COQ9: variants seen among roughly 807,000 people sequenced by gnomAD.
COQ9 encodes the protein ubiquinone biosynthesis protein COQ9, mitochondrial.
In COQ9, 35 loss-of-function variants were observed where a neutral mutation model predicts 42.4. The observed-to-expected ratio is 0.83, with a 90% CI of 0.63 to 1.10. The LOEUF (loss-of-function observed/expected upper bound fraction) is 1.10, where lower values mean the gene tolerates loss of function less well. Ranked by LOEUF, COQ9 falls within the 50% of genes least tolerant of loss-of-function variation. The probability of loss-of-function intolerance (pLI) is 0.00; values close to 1 mark genes in which losing one functional copy is unlikely to be tolerated. For synonymous variants in COQ9, 155 were observed against 155.1 expected, an observed-to-expected ratio of 1.00 and a Z score of 0.00; for missense variants, 406 against 414.6, an observed-to-expected ratio of 0.98 and a Z score of 0.18.
In COQ9 at chr16:57,447,560, C is replaced by T; in HGVS notation, c.55C>T (p.Gln19Ter). ...ALGRAGWRLL[Q>*]LRCLPVARCR... ...TGGCCGGGCGGGCTGGAGGCTCCTG[C>T]AGCTGCGATGCCTGCCCGGTGAGGG... The change falls in exon 1 of 9, where the codon CAG (glutamine) becomes TAG (stop). Residue 19 changes from glutamine to a stop codon, truncating the protein, a stop_gained. Transcript: ENST00000262507. LOFTEE classifies it high-confidence loss of function. 2 of 1,291,356 alleles carry T rather than the reference C, an allele frequency of 1.5e-6. No individual in the cohort carries two copies. The highest frequency in any genetic ancestry group is 2.0e-6 in the Non-Finnish European group (2 of 1,014,556). 80.0% of individuals were successfully genotyped at this position (1,291,356 alleles called of 1,614,324 possible). A position where few individuals can be genotyped will look rare whatever the true frequency, so the allele number is the denominator to read the frequency against.
chr16:57,457,491 T>A lies in COQ9; in HGVS notation c.606+476T>A, dbSNP rs574535644. 144 of 311,014 alleles carry A rather than the reference T, an allele frequency of 4.6e-4. 3 individuals carry two copies. Among genetic ancestry groups the A allele is most frequent in the Middle Eastern group, 3.4e-3 (3 of 884 alleles). The allele number at this position is 311,014 out of a possible 1,614,324, so 19.3% of individuals were successfully genotyped here. The stretch of plus-strand genomic sequence containing the variant: ...ACCTTTTCTGAAGCTTCCTTTTTCC[T>A]CTGTTTTAAAGCATATCACAGTATG... On this transcript the variant is annotated intron_variant, in intron 5 of 8. Coordinates refer to ENST00000262507, the MANE Select transcript of COQ9 (RefSeq NM_020312.4).
chr16:57,460,947 TG>T lies in COQ9; in HGVS notation c.*326del. 1 of 389,470 alleles carries T rather than the reference TG, an allele frequency of 2.6e-6. No homozygotes were observed. 24.1% of individuals were successfully genotyped at this position (389,470 alleles called of 1,614,324 possible). ...CCAGCATGTCCCTGTCACAATCTCATGGGCACCTTGATCATGTCTTAACCTT... is the reference window on the plus strand; with the variant it reads ...CCAGCATGTCCCTGTCACAATCTCATGGCACCTTGATCATGTCTTAACCTT... On this transcript the variant is annotated 3_prime_UTR_variant, in exon 9 of 9. Transcript: ENST00000262507.
intron 4 of COQ9, 30 bp from the exon 5 acceptor site, chr16:57,456,901 A>T: frequency 6.3e-7 from 1 of 1,588,338 alleles, no homozygotes; most frequent in Non-Finnish European, 8.6e-7. Context: ...TTTCACTCAG[A>T]GACACACTGT....
chr16:57,456,443 G>T, intron 3 of COQ9, 61 bp from the exon 4 acceptor site: 1 of 1,586,310 alleles, frequency 6.3e-7, no homozygotes, highest in South Asian at 1.1e-5. Context: ...GTGATGAACA[G>T]GCAACAAATG....
chr16:57,460,946 A>C lies in COQ9; in HGVS notation c.*322A>C, dbSNP rs2146594566. ...CCCAGCATGTCCCTGTCACAATCTC[A>C]TGGGCACCTTGATCATGTCTTAACC... On this transcript the variant is annotated 3_prime_UTR_variant, in exon 9 of 9. Coordinates refer to ENST00000262507, the MANE Select transcript of COQ9 (RefSeq NM_020312.4). 1.4e-4 allele frequency: 56 copies of C among 390,786 alleles called. No individual in the cohort carries two copies. The highest frequency in any genetic ancestry group is 2.4e-4 in the East Asian group (4 of 16,630). The allele number at this position is 390,786 out of a possible 1,614,324, so 24.2% of individuals were successfully genotyped here.
Position 57,461,246 on chromosome 16 carries a change from A to G in COQ9, c.*622A>G, listed in dbSNP as rs534696904. 6.8e-4 allele frequency: 293 copies of G among 432,486 alleles called. No homozygotes were observed. The highest frequency in any genetic ancestry group is 9.7e-4 in the Non-Finnish European group (206 of 212,582). 26.8% of individuals were successfully genotyped at this position (432,486 alleles called of 1,614,324 possible). On this transcript the variant is annotated 3_prime_UTR_variant, in exon 9 of 9. Transcript: ENST00000262507. ...TATTAGTGTATTTTGAGTCTGTAAA[A>G]ATAATAAATATGTTTGAAGTAGTTT...
intron 1 of COQ9, among the ~76,000 whole-genome samples, chr16:57,450,023 A>G (rs112472976): frequency 9.2e-5 from 14 of 152,260 alleles, no homozygotes; most frequent in African/African-American, 3.1e-4. Context: ...TGCACTGAAA[A>G]TCAAGATGGA....
chr16:57,450,428 A>AG (rs1293787252), intron 1 of COQ9, among the ~76,000 whole-genome samples: 5 of 152,044 alleles, frequency 3.3e-5, no homozygotes, highest in South Asian at 4.1e-4. Context: ...AAAAAAAAAA[A>AG]AAGAAAATTT....
rs142223672 is a variant in COQ9 at position 57,459,609 on chromosome 16, C to G, written c.756C>G (p.Asn252Lys). 5.5e-5 allele frequency: 89 copies of G among 1,614,166 alleles called. No individual in the cohort carries two copies. In the African/African-American group the frequency reaches 1.2e-3, roughly 21 times the overall value. The change falls in exon 7 of 9, where the codon AAC (asparagine) becomes AAG (lysine). Residue 252 changes from asparagine (N) to lysine (K), a missense_variant. Transcript: ENST00000262507. ...TRRAMLAAIYNTTELVMMQDS... is the reference protein window; with the variant it reads ...TRRAMLAAIYKTTELVMMQDS... ...GAGCCATGCTGGCTGCCATCTACAA[C>G]ACAACAGAGCTGGTGATGATGCAGG...
At chr16:57,456,674 G>T in intron 4 of COQ9, 28 bp downstream of exon 4, 1 of 1,608,962 alleles carries the variant, frequency 6.2e-7, no homozygotes, top group Middle Eastern at 1.9e-4. Flanking sequence ...ACTACTCAGG[G>T]TGGCAGCTAA....
chr16:57,459,922 T>A, intron 7 of COQ9, 129 bp from the exon 8 acceptor site: 1 of 1,024,486 alleles, frequency 9.8e-7, no homozygotes, highest in Non-Finnish European at 1.5e-6. Flanking sequence ...TGTCCAAAGC[T>A]CTCCTTCCAG....
rs750763923 is a variant in COQ9 at position 57,451,095 on chromosome 16, G to T, written c.129G>T (p.Gly43=). ...VPRAFHASAV[G]LRSSDEQKQQ... ...GTGCCTTCCATGCTTCAGCTGTGGG[G>T]CTAAGGTCTTCAGATGAGCAGAAGC... The change falls in exon 2 of 9, where the codon GGG becomes GGT. Residue 43 remains glycine (G), a synonymous_variant. Transcript: ENST00000262507. 1 of 1,614,148 alleles carries T rather than the reference G, an allele frequency of 6.2e-7. No homozygotes were observed. The highest frequency in any genetic ancestry group is 8.5e-7 in the Non-Finnish European group (1 of 1,180,038).
chr16:57,450,749 T>C, intron 1 of COQ9: 1 of 474,682 alleles, frequency 2.1e-6, no homozygotes. Context: ...ATTTGCAGAT[T>C]TAAAAATCTG....
At chr16:57,455,899 G>A (rs1347639480) in intron 3 of COQ9, among the ~76,000 whole-genome samples, 6 of 151,972 alleles carry the variant, frequency 3.9e-5, no homozygotes, top group African/African-American at 1.2e-4. Context: ...GCAATATGGC[G>A]AGACCCCATC....
chr16:57,458,306 A>G lies in COQ9; in HGVS notation c.667A>G (p.Met223Val), dbSNP rs1212934035. ...GTCCAGCCTGAGCCTGCTCACCAGC[A>G]TGGTGGATGACATGTGGCATTACGC... Reference protein sequence around the residue: ...IPSSLSLLTSMVDDMWHYAGD... With the variant: ...IPSSLSLLTSVVDDMWHYAGD... The change falls in exon 6 of 9, where the codon ATG becomes GTG. Residue 223 changes from methionine (M) to valine (V), a missense_variant. Coordinates refer to ENST00000262507, the MANE Select transcript of COQ9 (RefSeq NM_020312.4). The G allele has an allele frequency of 6.2e-6, 10 of 1,613,226 alleles. No homozygotes were observed. The highest frequency in any genetic ancestry group is 7.6e-6 in the Non-Finnish European group (9 of 1,179,606).
At chr16:57,458,203 T>C (rs2030448451) in intron 5 of COQ9, 43 bp from the exon 6 acceptor site, 10 of 1,418,826 alleles carry the variant, frequency 7.0e-6, no homozygotes, top group African/African-American at 1.4e-5. Context: ...CTATGCACCA[T>C]TACCTGTGAG....
At chr16:57,451,981 T>A (rs1402722218) in intron 2 of COQ9, among the ~76,000 whole-genome samples, 2 of 152,254 alleles carry the variant, frequency 1.3e-5, no homozygotes, top group African/African-American at 4.8e-5. Flanking sequence ...AATTTACATT[T>A]CCATTAGTGT....
intron 6 of COQ9, 86 bp downstream of exon 6, chr16:57,458,436 A>G (rs1297591809): frequency 1.9e-6 from 2 of 1,029,388 alleles, no homozygotes; most frequent in Non-Finnish European, 3.0e-6. Flanking sequence ...TGCTTTGATC[A>G]TAAGCCCCTG....
Position 57,452,871 on chromosome 16 carries a change from A to T in COQ9, c.313A>T (p.Thr105Ser). 1 of 1,613,814 alleles carries T rather than the reference A, an allele frequency of 6.2e-7. No individual in the cohort carries two copies. The highest frequency in any genetic ancestry group is 8.5e-7 in the Non-Finnish European group (1 of 1,180,000). ...SEEQLQHRIL[T>S]AALEFVPAHG... ...GGAGCAGTTGCAGCACCGCATCCTG[A>T]CGGCAGCCCTTGAGTTTGTGCCCGC... Residue 105 changes from threonine (T) to serine (S), a missense_variant, in exon 3 of 9, where the codon ACG becomes TCG. By Grantham distance (58) the Thr-to-Ser change is moderately conservative. Transcript: ENST00000262507.
Sources: allele counts gnomAD v4.1 joint callset (sites outside exome capture counted in the v4.1 genomes callset), GRCh38; gene constraint gnomAD v4.1.1; transcripts MANE v1.5; gene names NCBI Gene and HGNC (gene_info 2026-07-23, HGNC 2026-07-21).